WDR87: variants seen among roughly 807,000 people sequenced by gnomAD.
WDR87 encodes the protein WD repeat domain 87, also known as WD repeat-containing protein 87.
WDR87 carries 56 observed loss-of-function variants against 83.3 expected under a neutral mutation model. That is an observed-to-expected ratio of 0.67 (90% CI 0.54 to 0.84). The LOEUF (loss-of-function observed/expected upper bound fraction) is 0.84, where lower values mean the gene tolerates loss of function less well. Among genes scored for constraint, WDR87 ranks in the 40% least tolerant of loss-of-function variants. The probability of loss-of-function intolerance (pLI) is 0.00; values close to 1 mark genes in which losing one functional copy is unlikely to be tolerated. For synonymous variants in WDR87, 1,173 were observed against 1,250.6 expected (o/e 0.94, Z 1.31); for missense variants, 2,939 against 3,431.9 (o/e 0.86, Z 3.59).
upstream of WDR87, chr19:37,906,683 T>A (rs1274426157): frequency 2.0e-5 from 3 of 147,296 alleles, no homozygotes; most frequent in East Asian, 2.0e-4. Context: ...CGCGTGCGCA[T>A]GGGCGCGCGC....
chr19:37,887,396 G>C lies in WDR87; in HGVS notation c.6275C>G (p.Ala2092Gly). The change falls in exon 6 of 6, where the codon GCC (alanine) becomes GGC (glycine). Residue 2092 changes from alanine (A) to glycine (G), a missense_variant. By Grantham distance (60) the Ala-to-Gly change is moderately conservative. Coordinates refer to ENST00000447313, the MANE Select transcript of WDR87 (RefSeq NM_001291088.2). ...RIFVQGQRKLAKASRKLIKKR... is the reference protein window; with the variant it reads ...RIFVQGQRKLGKASRKLIKKR... ...TTTAATCAACTTCCTTGAAGCCTTG[G>C]CTAACTTTCTTTGCCCCTGGACAAA... 1 of 1,551,538 alleles carries C rather than the reference G, an allele frequency of 6.4e-7. No individual in the cohort carries two copies. Among genetic ancestry groups the C allele is most frequent in the Non-Finnish European group, 8.7e-7 (1 of 1,146,972 alleles).
Position 37,887,235 on chromosome 19 carries a change from T to A in WDR87, c.6436A>T (p.Lys2146Ter), listed in dbSNP as rs528616897. The A allele has an allele frequency of 6.4e-7, 1 of 1,551,912 alleles. No homozygotes were observed. Among genetic ancestry groups the A allele is most frequent in the Non-Finnish European group, 8.7e-7 (1 of 1,147,020 alleles). ...MTKMKRALFVKERRLSIEQSK... is the reference protein window; with the variant it reads ...MTKMKRALFV Reference sequence around the variant, plus strand: ...TGTTCTATACTCAACCTGCGCTCCTTAACAAAGAGTGCCCTCTTCATCTTT... The same window carrying A: ...TGTTCTATACTCAACCTGCGCTCCTAAACAAAGAGTGCCCTCTTCATCTTT... Residue 2146 changes from lysine to a stop codon, truncating the protein, a stop_gained, in exon 6 of 6, where the codon AAG becomes TAG. Coordinates refer to ENST00000447313, the MANE Select transcript of WDR87 (RefSeq NM_001291088.2). LOFTEE classifies it low-confidence loss of function (END_TRUNC).
rs775353251 is a variant in WDR87 at position 37,889,883 on chromosome 19, C to T, written c.3788G>A (p.Arg1263Gln). Residue 1263 changes from arginine to glutamine, a missense_variant, in exon 6 of 6, where the codon CGG becomes CAG. By Grantham distance (43) the Arg-to-Gln change is conservative. This residue lies in a region of WDR87 where 2,160 missense variants were observed against 2,533.1 expected (regional missense o/e 0.85). Transcript: ENST00000447313. ...GCGGCCAGATATTCCAGAGGCTCCC[C>T]GCCCTTGGATTTTAACCTTTTTAGT... ...PVTKKVKIQG[R>Q]GASGISGRRS... is the part of the protein sequence containing the mutation. 54 of 1,551,544 alleles carry T rather than the reference C, an allele frequency of 3.5e-5. No homozygotes were observed. In the Admixed American group the frequency reaches 4.3e-4, roughly 12 times the overall value.
At position 37,895,031 on chromosome 19, in the gene WDR87, C is replaced by T. The variant is rs750243490; in HGVS notation, c.672G>A (p.Gln224=). ...CETVVRVLMH[Q]GKGQLGEVKR... ...TTACCTCTCCCAGCTGGCCCTTGCC[C>T]TGGTGCATAAGGACCCTCACCACCG... The change falls in exon 4 of 6, where the codon CAG becomes CAA. Residue 224 remains glutamine, a synonymous_variant. Coordinates refer to ENST00000447313, the MANE Select transcript of WDR87 (RefSeq NM_001291088.2). 2 of 1,551,670 alleles carry T rather than the reference C, an allele frequency of 1.3e-6. No homozygotes were observed. The highest frequency in any genetic ancestry group is 1.7e-6 in the Non-Finnish European group (2 of 1,146,978).
rs528496306 is a variant in WDR87 at position 37,887,873 on chromosome 19, T to G, written c.5798A>C (p.Lys1933Thr). ...CACAGTCTCCTTTTCCTGTGTCAGC[T>G]TCTCCTCTACCTGAGCCAGTATCTT... ...FNKILAQVEE[K>T]LTQEKETVIK... Residue 1933 changes from lysine (K) to threonine (T), a missense_variant, in exon 6 of 6, where the codon AAG becomes ACG. Physicochemically the swap from Lys to Thr is moderately conservative, Grantham distance 78. This residue lies in a region of WDR87 where 2,160 missense variants were observed against 2,533.1 expected (regional missense o/e 0.85). Transcript: ENST00000447313. 3.2e-5 allele frequency: 50 copies of G among 1,551,464 alleles called. No individual in the cohort carries two copies. In the African/African-American group the frequency reaches 6.6e-4, roughly 20 times the overall value.
Position 37,892,594 on chromosome 19 carries a change from T to C in WDR87, c.3109A>G (p.Thr1037Ala). ...SLLQLTQKQE[T>A]FREMQQQMIG... is the part of the protein sequence containing the mutation. Reference sequence around the variant, plus strand: ...CAAACTTACTGCATCTCCCGAAAAGTCTCTTGTTTTTGGGTCAGCTGTAAG... The same window carrying C: ...CAAACTTACTGCATCTCCCGAAAAGCCTCTTGTTTTTGGGTCAGCTGTAAG... The change falls in exon 4 of 6, where the codon ACT becomes GCT. Residue 1037 changes from threonine to alanine, a missense_variant. Physicochemically the swap from Thr to Ala is moderately conservative, Grantham distance 58. Transcript: ENST00000447313. 6 of 1,494,258 alleles carry C rather than the reference T, an allele frequency of 4.0e-6. No homozygotes were observed. The highest frequency in any genetic ancestry group is 5.4e-6 in the Non-Finnish European group (6 of 1,116,200). The allele number at this position is 1,494,258 out of a possible 1,614,324, so 92.6% of individuals were successfully genotyped here.
intron 1 of WDR87, among the ~76,000 whole-genome samples, chr19:37,904,266 A>G (rs2046309987): frequency 6.6e-6 from 1 of 152,016 alleles, no homozygotes; most frequent in Admixed American, 6.6e-5. Flanking sequence ...CAGGTAAGGG[A>G]AAAAAAGTCA....
Position 37,894,171 on chromosome 19 carries a change from G to A in WDR87, c.1532C>T (p.Thr511Met), listed in dbSNP as rs1294270136. ...GCCACCAAAAATCCCTCCAGACAGCGTGGAGAGTGCCAGTACAGCGCCAAA... is the reference window on the plus strand; with the variant it reads ...GCCACCAAAAATCCCTCCAGACAGCATGGAGAGTGCCAGTACAGCGCCAAA... ...MHFGAVLALS[T>M]LSGGIFGGQG... Residue 511 changes from threonine to methionine, a missense_variant, in exon 4 of 6, where the codon ACG becomes ATG. By Grantham distance (81) the Thr-to-Met change is moderately conservative (BLOSUM62 -1). This residue lies in a region of WDR87 where 553 missense variants were observed against 577.9 expected (regional missense o/e 0.96). Coordinates refer to ENST00000447313, the MANE Select transcript of WDR87 (RefSeq NM_001291088.2). 17 of 1,552,326 alleles carry A rather than the reference G, an allele frequency of 1.1e-5. No homozygotes were observed. The Admixed American group carries it at 1.8e-4, about 16-fold the overall frequency.
Position 37,893,125 on chromosome 19 carries a change from C to T in WDR87, c.2578G>A (p.Glu860Lys). The T allele has an allele frequency of 6.4e-7, 1 of 1,551,790 alleles. No individual in the cohort carries two copies. Among genetic ancestry groups the T allele is most frequent in the Non-Finnish European group, 8.7e-7 (1 of 1,147,036 alleles). The change falls in exon 4 of 6, where the codon GAA becomes AAA. Residue 860 changes from glutamate (E) to lysine (K), a missense_variant. By Grantham distance (56) the Glu-to-Lys change is moderately conservative. Transcript: ENST00000447313. ...QRELEWDRSQEFFFWHSRVRA... is the reference protein window; with the variant it reads ...QRELEWDRSQKFFFWHSRVRA... Reference sequence around the variant, plus strand: ...ACCCTGCTGTGCCAGAAAAAGAATTCTTGAGACCTGTCCCATTCCAGCTCC... The same window carrying T: ...ACCCTGCTGTGCCAGAAAAAGAATTTTTGAGACCTGTCCCATTCCAGCTCC...
rs1347705142 is a variant in WDR87 at position 37,894,814 on chromosome 19, T to C, written c.889A>G (p.Thr297Ala). 5 of 1,551,640 alleles carry C rather than the reference T, an allele frequency of 3.2e-6. No individual in the cohort carries two copies. Among genetic ancestry groups the C allele is most frequent in the Non-Finnish European group, 4.4e-6 (5 of 1,146,996 alleles). The change falls in exon 4 of 6, where the codon ACC becomes GCC. Residue 297 changes from threonine to alanine, a missense_variant. Coordinates refer to ENST00000447313, the MANE Select transcript of WDR87 (RefSeq NM_001291088.2). ...ICIRSRPEAHTLLTAGSDSLI... is the reference protein window; with the variant it reads ...ICIRSRPEAHALLTAGSDSLI... ...CTGTCACTACCAGCTGTTAGCAGGG[T>C]GTGGGCCTCTGGTCGGCTGCGGATA...
At position 37,888,732 on chromosome 19, in the gene WDR87, G is replaced by T. The variant is rs1348273408; in HGVS notation, c.4939C>A (p.Gln1647Lys). ...EEEKLAQEER[Q>K]LAQEERKLAQ... is the part of the protein sequence containing the mutation. ...AGTTTTCTCTCTTCCTGGGCCAACT[G>T]TCTCTCTTCTTGTGCAAGTTTCTCT... Residue 1647 changes from glutamine (Q) to lysine (K), a missense_variant, in exon 6 of 6, where the codon CAG becomes AAG. Physicochemically the swap from Gln to Lys is moderately conservative, Grantham distance 53 (BLOSUM62 1). Around this residue, in one of 3 missense-constraint regions of WDR87, gnomAD observed 2,160 missense variants for 2,533.1 expected, o/e 0.85. Transcript: ENST00000447313. 6.4e-7 allele frequency: 1 copy of T among 1,551,802 alleles called. No individual in the cohort carries two copies. The highest frequency in any genetic ancestry group is 2.4e-5 in the East Asian group (1 of 40,906).
chr19:37,892,469 GAAA>G, intron 4 of WDR87, 106 bp downstream of exon 4: 7 of 1,088,950 alleles, frequency 6.4e-6, no homozygotes, highest in Non-Finnish European at 9.1e-6. Context: ...AAGGCTATGA[GAAA>G]GAAGAAACAT....
At position 37,895,473 on chromosome 19, in the gene WDR87, A is replaced by C; in HGVS notation, c.247-17T>G. 6.5e-7 allele frequency: 1 copy of C among 1,544,852 alleles called. No homozygotes were observed. Among genetic ancestry groups the C allele is most frequent in the South Asian group, 1.2e-5 (1 of 83,604 alleles). On this transcript the variant is annotated splice_polypyrimidine_tract_variant and intron_variant, in intron 3 of 5. Coordinates refer to ENST00000447313, the MANE Select transcript of WDR87 (RefSeq NM_001291088.2). ...TGCTACAGCCTAGAAGAGAATAAGA[A>C]GGAAACTGCCTAGGCCGGGTGAGGT...
Position 37,893,412 on chromosome 19 carries a change from G to A in WDR87, c.2291C>T (p.Ser764Phe). ...CATGTCCTGCAAAGAATAATGCATG[G>A]AGGAACGCAGTAACACTGGGCTCCC... Reference protein sequence around the residue: ...EEGSPVLLRSSMHYSLQDMED... With the variant: ...EEGSPVLLRSFMHYSLQDMED... The change falls in exon 4 of 6, where the codon TCC becomes TTC. Residue 764 changes from serine to phenylalanine, a missense_variant. Coordinates refer to ENST00000447313, the MANE Select transcript of WDR87 (RefSeq NM_001291088.2). 6.4e-7 allele frequency: 1 copy of A among 1,552,180 alleles called. No individual in the cohort carries two copies. Among genetic ancestry groups the A allele is most frequent in the Non-Finnish European group, 8.7e-7 (1 of 1,147,112 alleles).
chr19:37,887,133 G>C lies in WDR87; in HGVS notation c.6538C>G (p.Arg2180Gly), dbSNP rs34785154. 2 of 1,549,748 alleles carry C rather than the reference G, an allele frequency of 1.3e-6. No individual in the cohort carries two copies. The highest frequency in any genetic ancestry group is 2.7e-5 in the African/African-American group (2 of 72,864). ...ELTKDEKKLARKQRKLANKMR... is the reference protein window; with the variant it reads ...ELTKDEKKLAGKQRKLANKMR... ...TTGTTGGCCAGTTTTCTCTGCTTCC[G>C]AGCCAGTTTCTTCTCATCTTTAGTC... The change falls in exon 6 of 6, where the codon CGG (arginine) becomes GGG (glycine). Residue 2180 changes from arginine (R) to glycine (G), a missense_variant. Arg to Gly is a moderately radical substitution (Grantham distance 125). Coordinates refer to ENST00000447313, the MANE Select transcript of WDR87 (RefSeq NM_001291088.2).
chr19:37,893,127 T>G lies in WDR87; in HGVS notation c.2576A>C (p.Gln859Pro), dbSNP rs140149327. 17,499 of 1,551,824 alleles carry G rather than the reference T, an allele frequency of 0.011. 143 individuals are homozygous for G. Among genetic ancestry groups the G allele is most frequent in the Middle Eastern group, 0.028 (166 of 5,992 alleles). The change falls in exon 4 of 6, where the codon CAA (glutamine) becomes CCA (proline). Residue 859 changes from glutamine to proline, a missense_variant. By Grantham distance (76) the Gln-to-Pro change is moderately conservative. Coordinates refer to ENST00000447313, the MANE Select transcript of WDR87 (RefSeq NM_001291088.2). ...PQRELEWDRSQEFFFWHSRVR... is the reference protein window; with the variant it reads ...PQRELEWDRSPEFFFWHSRVR... ...CCTGCTGTGCCAGAAAAAGAATTCT[T>G]GAGACCTGTCCCATTCCAGCTCCCG...
In WDR87 at chr19:37,894,695, A is replaced by G. The variant is rs1247723216; in HGVS notation, c.1008T>C (p.Ile336=). The change falls in exon 4 of 6, where the codon ATT becomes ATC. Residue 336 remains isoleucine (I), a synonymous_variant. Coordinates refer to ENST00000447313, the MANE Select transcript of WDR87 (RefSeq NM_001291088.2). ...TATGGGCAGTTTGGCAGAAGAAAGT[A>G]ATGCTGTCAATAAACTGGAGCCGGT... ...ELYRLQFIDS[I]TFFCQTAHSF... is the part of the protein sequence containing the mutation. 6.4e-7 allele frequency: 1 copy of G among 1,551,754 alleles called. No individual in the cohort carries two copies. Among genetic ancestry groups the G allele is most frequent in the Non-Finnish European group, 8.7e-7 (1 of 1,147,016 alleles).
In WDR87 at chr19:37,892,915, C is replaced by T. The variant is rs1460997721; in HGVS notation, c.2788G>A (p.Val930Ile). ...TGGTACTTCAGCAAGGAAGCATGGA[C>T]CATAATATTGAGCATTGTCTCAATC... ...SMIETMLNIM[V>I]HASLLKYQCC... is the part of the protein sequence containing the mutation. The change falls in exon 4 of 6, where the codon GTC becomes ATC. Residue 930 changes from valine to isoleucine, a missense_variant. Coordinates refer to ENST00000447313, the MANE Select transcript of WDR87 (RefSeq NM_001291088.2). 1 of 1,551,948 alleles carries T rather than the reference C, an allele frequency of 6.4e-7. No individual in the cohort carries two copies. Among genetic ancestry groups the T allele is most frequent in the African/African-American group, 1.4e-5 (1 of 73,028 alleles).
At position 37,886,401 on chromosome 19, in the gene WDR87, C is replaced by A. The variant is rs374212596; in HGVS notation, c.7270G>T (p.Val2424Phe). ...AGTTTCTTCAAAGGGCTTTTTAGAA[C>A]TCCTAGTCTTATAGCCCTGCCTTTG... ...HGKGRAIRLG[V>F]LKSPLKKLMS... Residue 2424 changes from valine (V) to phenylalanine (F), a missense_variant, in exon 6 of 6, where the codon GTT becomes TTT. Around this residue, in one of 3 missense-constraint regions of WDR87, gnomAD observed 2,160 missense variants for 2,533.1 expected, o/e 0.85. Transcript: ENST00000447313. 6.8e-5 allele frequency: 105 copies of A among 1,543,324 alleles called. No individual in the cohort carries two copies. The African/African-American group carries it at 1.3e-3, about 20-fold the overall frequency.
Sources: gnomAD v4.1 joint callset for allele counts (sites outside exome capture counted in the v4.1 genomes callset) on GRCh38, gnomAD v4.1.1 for gene constraint, gnomAD v4.1.1 regional missense constraint, MANE v1.5 for transcripts, NCBI Gene and HGNC (gene_info 2026-07-23, HGNC 2026-07-21) for gene names.